CCDC88A: variants seen among roughly 807,000 people sequenced by gnomAD.
The protein encoded by CCDC88A is girdin.
A neutral mutation model predicts 234.3 loss-of-function variants in CCDC88A; 54 were observed. That is an observed-to-expected ratio of 0.23 (90% CI 0.19 to 0.29). The LOEUF (loss-of-function observed/expected upper bound fraction) is 0.29. CCDC88A is among the 10% of genes least tolerant of loss of function. The pLI is 1.00. For missense variants in CCDC88A, 1,832 were observed against 2,123.4 expected (o/e 0.86, Z 2.70); for synonymous variants, 753 against 737.8 (o/e 1.02, Z -0.33).
intron 5 of CCDC88A, among the ~76,000 whole-genome samples, chr2:55,366,252 G>A (rs1258472863): frequency 1.1e-4 from 16 of 152,080 alleles, no homozygotes; most frequent in African/African-American, 3.4e-4. Flanking sequence ...GAGGCCAGGC[G>A]TGATGGCTCA....
At chr2:55,364,115 G>T in intron 5 of CCDC88A, 82 bp from the exon 6 acceptor site, 1 of 595,948 alleles carries the variant, frequency 1.7e-6, no homozygotes, top group South Asian at 2.8e-5. Flanking sequence ...AACTTTATGA[G>T]GTTTGCTATA....
chr2:55,342,391 T>G (rs72923187), intron 12 of CCDC88A, among the ~76,000 whole-genome samples: 3 of 152,070 alleles, frequency 2.0e-5, no homozygotes, highest in African/African-American at 7.3e-5. Flanking sequence ...TATTTAATAC[T>G]TGAATGCTTA....
At chr2:55,355,315 C>A (rs923201446) in intron 8 of CCDC88A, 2 of 309,716 alleles carry the variant, frequency 6.5e-6, no homozygotes, top group Non-Finnish European at 1.2e-5. Context: ...AAACTAAGAG[C>A]CCCAATTTGC....
intron 22 of CCDC88A, among the ~76,000 whole-genome samples, chr2:55,314,848 C>T (rs1682789840): frequency 6.6e-6 from 1 of 152,210 alleles, no homozygotes; most frequent in African/African-American, 2.4e-5. Flanking sequence ...TATCCCTTCC[C>T]ACCAAGGTTA....
chr2:55,346,492 TC>T (rs1213066174), intron 9 of CCDC88A, among the ~76,000 whole-genome samples, 159 bp from the exon 10 acceptor site: 1 of 152,154 alleles, frequency 6.6e-6, no homozygotes, highest in African/African-American at 2.4e-5. Context: ...CAATCTCAGC[TC>T]ACTGCAACCT....
chr2:55,308,798 T>A lies in CCDC88A; in HGVS notation c.4387+11A>T. ...AAATCAATACGATGTTTAAAGAGTT[T>A]AAGCACTCACTGCTGCTTTTCTTGG... On this transcript the variant is annotated intron_variant, in intron 25 of 32. Coordinates refer to ENST00000436346, the MANE Select transcript of CCDC88A (RefSeq NM_001365480.1). The A allele has an allele frequency of 6.2e-7, 1 of 1,603,056 alleles. No individual in the cohort carries two copies. Among genetic ancestry groups the A allele is most frequent in the East Asian group, 2.2e-5 (1 of 44,798 alleles).
At chr2:55,331,032 T>G (rs1025980703) in intron 16 of CCDC88A, among the ~76,000 whole-genome samples, 4 of 152,212 alleles carry the variant, frequency 2.6e-5, no homozygotes, top group Non-Finnish European at 5.9e-5. Context: ...GCTAACTGTA[T>G]GAATTAAGGT....
At chr2:55,342,041 GAA>G (rs1668577026) in intron 12 of CCDC88A, among the ~76,000 whole-genome samples, 1 of 151,988 alleles carries the variant, frequency 6.6e-6, no homozygotes, top group Admixed American at 6.6e-5. Context: ...CTATTCCATA[GAA>G]ACTTGAAAGC....
chr2:55,358,778 GA>G (rs35283631), intron 7 of CCDC88A, among the ~76,000 whole-genome samples: 6 of 149,996 alleles, frequency 4.0e-5, no homozygotes, highest in South Asian at 4.2e-4. Context: ...TCAACCCAGG[GA>G]AAAAAAAAAT....
intron 2 of CCDC88A, among the ~76,000 whole-genome samples, chr2:55,406,522 G>A (rs1252359511): frequency 6.6e-6 from 1 of 152,116 alleles, no homozygotes; most frequent in Non-Finnish European, 1.5e-5. Flanking sequence ...GGGAGGTTGA[G>A]GCAGGCTGAT....
At position 55,289,622 on chromosome 2, in the gene CCDC88A, G is replaced by A. The variant is rs966298379; in HGVS notation, c.*1578C>T. On this transcript the variant is annotated 3_prime_UTR_variant, in exon 33 of 33. Transcript: ENST00000436346. ...ATTTGGTGGTAAAACCTAAGTTACC[G>A]GTGGCATTGAAGTACGTAAGTAAGC... 8 of 152,102 alleles carry A rather than the reference G, an allele frequency of 5.3e-5. No homozygotes were observed. Among genetic ancestry groups the A allele is most frequent in the Admixed American group, 1.3e-4 (2 of 15,272 alleles). 9.4% of individuals were successfully genotyped at this position (152,102 alleles called of 1,614,324 possible).
intron 2 of CCDC88A, among the ~76,000 whole-genome samples, chr2:55,402,222 G>T (rs1251255911): frequency 6.6e-6 from 1 of 151,990 alleles, no homozygotes; most frequent in East Asian, 1.9e-4. Flanking sequence ...TTAACATAAA[G>T]AACATTTTTA....
At position 55,335,409 on chromosome 2, in the gene CCDC88A, T is replaced by C. The variant is rs1260797136; in HGVS notation, c.1657-245A>G. On this transcript the variant is annotated intron_variant, in intron 14 of 32. Transcript: ENST00000436346. The surrounding 1 kb of genome is among the most constrained non-coding windows in gnomAD (Gnocchi z 4.5). ...TCATGTTTTTAGGAAGTTCACAGTT[T>C]AAAGGAACGGTTGAGAAATGTATTT... is the stretch of plus-strand genomic sequence containing the variant. Among the ~76,000 whole-genome samples, 14 of 152,126 alleles carry C rather than the reference T, an allele frequency of 9.2e-5. No individual in the cohort carries two copies. The highest frequency in any genetic ancestry group is 1.5e-5 in the Non-Finnish European group (1 of 68,014).
intron 18 of CCDC88A, chr2:55,321,117 A>G (rs1250707513): frequency 6.6e-5 from 3 of 45,618 alleles, no homozygotes; most frequent in African/African-American, 4.7e-4. Flanking sequence ...TCAGAGAAGA[A>G]AAAAAAAAAA....
At chr2:55,387,697 G>A (rs1391717892) in intron 3 of CCDC88A, among the ~76,000 whole-genome samples, 2 of 147,558 alleles carry the variant, frequency 1.4e-5, no homozygotes, top group East Asian at 2.0e-4. Flanking sequence ...CAGGAGAATC[G>A]CTTGAACCCA....
intron 16 of CCDC88A, among the ~76,000 whole-genome samples, chr2:55,331,066 T>C (rs948955699): frequency 1.3e-5 from 2 of 152,228 alleles, no homozygotes; most frequent in African/African-American, 2.4e-5. Flanking sequence ...GCAAACTGTA[T>C]GAAGGGTCCA....
At chr2:55,339,798 A>T in intron 12 of CCDC88A, 150 bp from the exon 13 acceptor site, 1 of 548,710 alleles carries the variant, frequency 1.8e-6, no homozygotes, top group East Asian at 3.4e-5. Context: ...AAGATAAACA[A>T]GATAAAAGAA....
At chr2:55,365,084 A>G (rs1574295690) in intron 5 of CCDC88A, among the ~76,000 whole-genome samples, 2 of 152,164 alleles carry the variant, frequency 1.3e-5, no homozygotes, top group African/African-American at 4.8e-5. Context: ...ATTTAAATAC[A>G]CTTCCATCAA....
Position 55,336,542 on chromosome 2 carries a change from T to C in CCDC88A, c.1656+139A>G, listed in dbSNP as rs575266569. 25 of 535,496 alleles carry C rather than the reference T, an allele frequency of 4.7e-5. 1 individual carries two copies. The South Asian group carries it at 9.4e-4, about 20-fold the overall frequency. 33.2% of individuals were successfully genotyped at this position (535,496 alleles called of 1,614,324 possible). ...ACATAGGTTAGAAAATGAGGTAAAA[T>C]TATAATTACTTTAAAATAAAAAAAT... On this transcript the variant is annotated intron_variant, in intron 14 of 32. Transcript: ENST00000436346.
Sources: gnomAD v4.1 joint callset for allele counts (sites outside exome capture counted in the v4.1 genomes callset) on GRCh38, gnomAD v4.1.1 for gene constraint, Gnocchi (gnomAD v3.1) non-coding constraint, MANE v1.5 for transcripts, NCBI Gene and HGNC (gene_info 2026-07-23, HGNC 2026-07-21) for gene names.